The following PRKG1 variants were observed in gnomAD, a reference collection of about 807,000 sequenced individuals.
PRKG1 encodes cGMP-dependent protein kinase 1.
Under a neutral mutation model 88.1 loss-of-function variants are expected in PRKG1, and 35 were observed. The ratio of observed to expected loss-of-function variants is 0.40; its 90% CI spans 0.30 to 0.53. The LOEUF is 0.53. PRKG1 is among the 20% of genes least tolerant of loss of function. PRKG1 has a pLI of 0.59. For missense variants in PRKG1, 540 were observed against 839.8 expected, an observed-to-expected ratio of 0.64 and a Z score of 4.41; for synonymous variants, 303 against 292.5, an observed-to-expected ratio of 1.04 and a Z score of -0.37.
At chr10:51,823,452 G>A (rs1455270550) in intron 4 of PRKG1, among the ~76,000 whole-genome samples, 1 of 151,804 alleles carries the variant, frequency 6.6e-6, no homozygotes, top group East Asian at 1.9e-4. Flanking sequence ...AAACTCAGGA[G>A]CCAATTGTAA....
chr10:51,117,482 G>A (rs1233579591), intron 1 of PRKG1, among the ~76,000 whole-genome samples: 2 of 152,224 alleles, frequency 1.3e-5, no homozygotes, highest in Non-Finnish European at 2.9e-5. Flanking sequence ...TGTACACGAT[G>A]AGCCAAGCAT....
intron 5 of PRKG1, among the ~76,000 whole-genome samples, chr10:51,942,696 T>C (rs12765170): frequency 0.2 from 30,216 of 149,872 alleles, 3,890 homozygotes; most frequent in Non-Finnish European, 0.29. Flanking sequence ...CCAGCACCAT[T>C]TATTAAATAG....
intron 1 of PRKG1, among the ~76,000 whole-genome samples, chr10:51,105,149 G>T (rs1048364048): frequency 6.6e-6 from 1 of 152,192 alleles, no homozygotes; most frequent in Admixed American, 6.5e-5. Flanking sequence ...GTGATTGCAG[G>T]TGTGAGCCAC....
At chr10:51,773,760 T>C (rs1041468883) in intron 3 of PRKG1, among the ~76,000 whole-genome samples, 2 of 152,074 alleles carry the variant, frequency 1.3e-5, no homozygotes, top group Non-Finnish European at 2.9e-5. Flanking sequence ...AATTCTCACA[T>C]TGAAATATTA....
intron 1 of PRKG1, among the ~76,000 whole-genome samples, chr10:51,130,585 T>A (rs966714928): frequency 6.6e-6 from 1 of 152,188 alleles, no homozygotes; most frequent in Non-Finnish European, 1.5e-5. Flanking sequence ...TTTTATTTTA[T>A]TTTTTGTCAT....
intron 3 of PRKG1, among the ~76,000 whole-genome samples, chr10:51,511,390 T>G (rs1449838217): frequency 6.6e-6 from 1 of 152,130 alleles, no homozygotes; most frequent in East Asian, 1.9e-4. Flanking sequence ...AAGTCACAAT[T>G]AAAATGAAGG....
chr10:51,518,836 A>G (rs563357700), intron 3 of PRKG1, among the ~76,000 whole-genome samples: 2 of 152,198 alleles, frequency 1.3e-5, no homozygotes, highest in Non-Finnish European at 2.9e-5. Context: ...GCTGGTCAAG[A>G]ATGACTGGTT....
chr10:52,204,754 T>C lies in PRKG1; in HGVS notation c.1076+42791T>C, dbSNP rs1839770959. 2.0e-5 allele frequency among the ~76,000 whole-genome samples: 3 copies of C among 152,166 alleles called. No individual in the cohort carries two copies. The South Asian group carries it at 6.2e-4, about 32-fold the overall frequency. The stretch of plus-strand genomic sequence containing the variant: ...ATGCACAAATTGTGCACGCAAATTG[T>C]GATAAACTGCACAAATTTTTTATAG... On this transcript the variant is annotated intron_variant, in intron 9 of 17. Transcript: ENST00000373980.
intron 3 of PRKG1, among the ~76,000 whole-genome samples, chr10:51,626,454 AT>A (rs971838209): frequency 1.3e-5 from 2 of 152,032 alleles, no homozygotes; most frequent in African/African-American, 4.8e-5. Context: ...TTTCTATTTC[AT>A]TTTTTTAAAA....
intron 7 of PRKG1, among the ~76,000 whole-genome samples, chr10:52,130,392 G>T (rs944066117): frequency 3.9e-5 from 6 of 152,002 alleles, no homozygotes; most frequent in Admixed American, 2.6e-4. Context: ...TCCAATTTAG[G>T]CCAGATAATA....
At chr10:51,329,776 A>C (rs1020233352) in intron 2 of PRKG1, among the ~76,000 whole-genome samples, 14 of 151,024 alleles carry the variant, frequency 9.3e-5, no homozygotes, top group African/African-American at 3.2e-4. Context: ...ATGCCATCCC[A>C]CTCTCTCCTG....
chr10:51,732,760 A>G (rs1433952958), intron 3 of PRKG1, among the ~76,000 whole-genome samples: 1 of 152,202 alleles, frequency 6.6e-6, no homozygotes, highest in Non-Finnish European at 1.5e-5. Context: ...AAGCCACGAA[A>G]ATAATAGATT....
chr10:51,084,077 G>A (rs1844184880), intron 1 of PRKG1, among the ~76,000 whole-genome samples: 1 of 152,166 alleles, frequency 6.6e-6, no homozygotes, highest in African/African-American at 2.4e-5. Flanking sequence ...AATGTATTCA[G>A]CTGACAGATA....
intron 3 of PRKG1, among the ~76,000 whole-genome samples, chr10:51,513,703 C>T (rs1309982236): frequency 5.9e-5 from 6 of 100,880 alleles, no homozygotes; most frequent in East Asian, 7.5e-4. Flanking sequence ...CACTCAAAGC[C>T]GCTCAACTAC....
intron 1 of PRKG1, among the ~76,000 whole-genome samples, chr10:51,111,584 G>C (rs920742459): frequency 6.6e-6 from 1 of 152,122 alleles, no homozygotes; most frequent in African/African-American, 2.4e-5. Context: ...CTTGTGAGTT[G>C]ATACTGAATG....
At chr10:51,739,918 G>A (rs1311622138) in intron 3 of PRKG1, among the ~76,000 whole-genome samples, 1 of 152,212 alleles carries the variant, frequency 6.6e-6, no homozygotes, top group African/African-American at 2.4e-5. Context: ...TCCAGCCTGG[G>A]TGACGGAGCA....
chr10:51,342,928 A>G (rs139611781), intron 2 of PRKG1, among the ~76,000 whole-genome samples: 2 of 152,344 alleles, frequency 1.3e-5, no homozygotes, highest in East Asian at 3.9e-4. Context: ...GGGTTCATCC[A>G]TGAGAAATGT....
chr10:51,554,485 C>T (rs545266397), intron 3 of PRKG1, among the ~76,000 whole-genome samples: 111 of 149,712 alleles, frequency 7.4e-4, no homozygotes, highest in African/African-American at 2.6e-3. Flanking sequence ...TTTCTCTCTG[C>T]CCTCTCTGCC....
rs372541448 is a variant in PRKG1 at position 52,233,239 on chromosome 10, T to C, written c.1077-18331T>C. Reference sequence around the variant, plus strand: ...AGTGAGAATAGCATGTGGCCAAATATTCAACTCTGTATCTGAAAACTATGT... The same window carrying C: ...AGTGAGAATAGCATGTGGCCAAATACTCAACTCTGTATCTGAAAACTATGT... On this transcript the variant is annotated intron_variant, in intron 9 of 17. Transcript: ENST00000373980. Among the ~76,000 whole-genome samples the C allele has an allele frequency of 1.0e-4, 15 of 150,172 alleles. No homozygotes were observed. The East Asian group carries it at 2.7e-3, about 27-fold the overall frequency.
Sources: gnomAD v4.1 joint callset for allele counts (sites outside exome capture counted in the v4.1 genomes callset) on GRCh38, gnomAD v4.1.1 for gene constraint, MANE v1.5 for transcripts, NCBI Gene and HGNC (gene_info 2026-07-23, HGNC 2026-07-21) for gene names.